Variants in KCNQ1 observed in about 807,000 individuals in gnomAD.
KCNQ1 encodes the protein potassium voltage-gated channel subfamily KQT member 1.
KCNQ1 carries 49 observed loss-of-function variants against 72.4 expected under a neutral mutation model. That is an observed-to-expected ratio of 0.68 (90% CI 0.54 to 0.86). The LOEUF (loss-of-function observed/expected upper bound fraction) is 0.86, where lower values mean the gene tolerates loss of function less well. Among genes scored for constraint, KCNQ1 ranks in the 40% least tolerant of loss-of-function variants. KCNQ1 has a pLI of 0.00. For missense variants in KCNQ1, 790 were observed against 945.1 expected (o/e 0.84, Z 2.15); for synonymous variants, 450 against 412.6 (o/e 1.09, Z -1.10).
chr11:2,594,568 G>T (rs1848710449), intron 10 of KCNQ1, among the ~76,000 whole-genome samples: 1 of 151,968 alleles, frequency 6.6e-6, no homozygotes, highest in Admixed American at 6.6e-5. Flanking sequence ...GTCTTCCTCA[G>T]CTGTCTCATA....
Position 2,848,771 on chromosome 11 carries a change from C to T in KCNQ1, c.*768C>T, listed in dbSNP as rs1203453024. ...CCTCCAACCCCTCGCCCAGTCCCAG[C>T]AGCCAGCCAAACACACAGAAGGGGA... is the stretch of plus-strand genomic sequence containing the variant. On this transcript the variant is annotated 3_prime_UTR_variant, in exon 16 of 16. Coordinates refer to ENST00000155840, the MANE Select transcript of KCNQ1 (RefSeq NM_000218.3). 4.4e-6 allele frequency: 2 copies of T among 454,128 alleles called. No homozygotes were observed. The highest frequency in any genetic ancestry group is 2.3e-5 in the Admixed American group (1 of 42,582). 28.1% of individuals were successfully genotyped at this position (454,128 alleles called of 1,614,324 possible).
In KCNQ1 at chr11:2,827,863, G is replaced by C. The variant is rs1847871484; in HGVS notation, c.1795-19904G>C. 6.6e-6 allele frequency among the ~76,000 whole-genome samples: 1 copy of C among 152,196 alleles called. No homozygotes were observed. The highest frequency in any genetic ancestry group is 1.5e-5 in the Non-Finnish European group (1 of 68,032). ...GAGGAAGGGGCGGGCAGAAGGCAGC[G>C]AGAGCTTTGTTTGGGGTGTGTCGAA... On this transcript the variant is annotated intron_variant, in intron 15 of 15. Coordinates refer to ENST00000155840, the MANE Select transcript of KCNQ1 (RefSeq NM_000218.3). The surrounding 1 kb of genome is among the most constrained non-coding windows in gnomAD (Gnocchi z 6.7).
At chr11:2,487,834 T>TC (rs910295305) in intron 1 of KCNQ1, among the ~76,000 whole-genome samples, 3 of 152,206 alleles carry the variant, frequency 2.0e-5, no homozygotes, top group African/African-American at 7.2e-5. Flanking sequence ...GTCTTTTTTT[T>TC]CCATTCTGGA....
Position 2,447,122 on chromosome 11 carries a change from G to T in KCNQ1, c.386+1638G>T, listed in dbSNP as rs74048606. 6.6e-6 allele frequency among the ~76,000 whole-genome samples: 1 copy of T among 152,196 alleles called. No individual in the cohort carries two copies. Among genetic ancestry groups the T allele is most frequent in the Admixed American group, 6.5e-5 (1 of 15,280 alleles). On this transcript the variant is annotated intron_variant, in intron 1 of 15. Coordinates refer to ENST00000155840, the MANE Select transcript of KCNQ1 (RefSeq NM_000218.3). This position sits in a 1 kb window ranked among gnomAD's most constrained non-coding sequence, Gnocchi z 7.6. ...GCCTCCGGGCTCACTGCAGCCACCC[G>T]TGTGGAGGAAGAGGAGGAAGAGGGC...
rs554053643 is a variant in KCNQ1, at chr11:2,745,003, C to T, written c.1515-23841C>T. 1.6e-4 allele frequency among the ~76,000 whole-genome samples: 24 copies of T among 152,172 alleles called. No individual in the cohort carries two copies. The highest frequency in any genetic ancestry group is 5.5e-4 in the African/African-American group (23 of 41,496). The stretch of plus-strand genomic sequence containing the variant: ...CTCTTTGCACTGATAGTCTGCTGGT[C>T]GGAAGGACAATGGCGGCACCCCAAG... On this transcript the variant is annotated intron_variant, in intron 11 of 15. Transcript: ENST00000155840. The surrounding 1 kb of genome is among the most constrained non-coding windows in gnomAD (Gnocchi z 6.2).
chr11:2,795,960 G>GC (rs1335099426), intron 15 of KCNQ1, among the ~76,000 whole-genome samples: 31 of 152,088 alleles, frequency 2.0e-4, no homozygotes. Context: ...CCGGCCTTTG[G>GC]CCCCCTGCCC....
At chr11:2,520,834 G>A (rs567289531) in intron 1 of KCNQ1, among the ~76,000 whole-genome samples, 15 of 152,152 alleles carry the variant, frequency 9.9e-5, no homozygotes, top group East Asian at 7.7e-4. Flanking sequence ...GGGTTTAAGC[G>A]TCAATATTTA....
chr11:2,584,303 ATG>A (rs1249854281), intron 7 of KCNQ1, among the ~76,000 whole-genome samples: 1 of 152,054 alleles, frequency 6.6e-6, no homozygotes, highest in Non-Finnish European at 1.5e-5. Flanking sequence ...ACATGTAGAC[ATG>A]TGTTAGTATG....
intron 10 of KCNQ1, chr11:2,644,418 T>G (rs1849634257): frequency 2.5e-6 from 1 of 398,422 alleles, no homozygotes; most frequent in East Asian, 3.6e-5. Context: ...AATTCCAGAA[T>G]ATCTGTTTGG....
intron 15 of KCNQ1, among the ~76,000 whole-genome samples, chr11:2,832,913 C>T (rs549739900): frequency 6.6e-6 from 1 of 152,256 alleles, no homozygotes; most frequent in Admixed American, 6.5e-5. Flanking sequence ...GCTCAGGGGG[C>T]TTCACTCCAC....
At chr11:2,733,814 A>ACACACACACACACACTCTCTCT in intron 11 of KCNQ1, among the ~76,000 whole-genome samples, 22 of 86,624 alleles carry the variant, frequency 2.5e-4, no homozygotes, top group Non-Finnish European at 4.3e-4. Context: ...ACACACACAC[A>ACACACACACACACACTCTCTCT]CTCTCTCACT....
chr11:2,647,379 G>A lies in KCNQ1; in HGVS notation c.1394-14582G>A. The A allele has an allele frequency of 2.5e-6, 1 of 398,576 alleles. No individual in the cohort carries two copies. Among genetic ancestry groups the A allele is most frequent in the Non-Finnish European group, 4.4e-6 (1 of 226,052 alleles). The allele number at this position is 398,576 out of a possible 1,614,324, so 24.7% of individuals were successfully genotyped here. ...ATGTGCGATTGGATTCAGATTGCTA[G>A]TTTGTGTGTCTGTGTGTGTGTTTTG... On this transcript the variant is annotated intron_variant, in intron 10 of 15. Transcript: ENST00000155840. This position sits in a 1 kb window ranked among gnomAD's most constrained non-coding sequence, Gnocchi z 4.0.
chr11:2,740,709 T>G (rs188860396), intron 11 of KCNQ1, among the ~76,000 whole-genome samples: 1 of 152,350 alleles, frequency 6.6e-6, no homozygotes, highest in African/African-American at 2.4e-5. Context: ...TCCTGCAGTT[T>G]CCTGCTCCTA....
intron 11 of KCNQ1, among the ~76,000 whole-genome samples, chr11:2,727,851 G>A (rs1237540994): frequency 1.3e-5 from 2 of 152,168 alleles, no homozygotes; most frequent in Admixed American, 6.5e-5. Context: ...CAGGGACGTG[G>A]CCAGGCATTC....
At position 2,509,278 on chromosome 11, in the gene KCNQ1, G is replaced by A. The variant is rs116192693; in HGVS notation, c.387-18650G>A. On this transcript the variant is annotated intron_variant, in intron 1 of 15. Transcript: ENST00000155840. This position sits in a 1 kb window ranked among gnomAD's most constrained non-coding sequence, Gnocchi z 6.3. ...GAGTGGCTTCGGACTTTGGGGTAGGGTCTGGTAGGATCCCAGGGCCCCTTC... is the reference window on the plus strand; with the variant it reads ...GAGTGGCTTCGGACTTTGGGGTAGGATCTGGTAGGATCCCAGGGCCCCTTC... Among the ~76,000 whole-genome samples the A allele has an allele frequency of 4.0e-3, 614 of 152,250 alleles. 8 individuals are homozygous for A. The highest frequency in any genetic ancestry group is 0.014 in the African/African-American group (595 of 41,536).
intron 11 of KCNQ1, among the ~76,000 whole-genome samples, chr11:2,700,785 C>G (rs2133905432): frequency 6.6e-6 from 1 of 152,246 alleles, no homozygotes; most frequent in Admixed American, 6.5e-5. Flanking sequence ...TCCCATCCCC[C>G]ATCCGGGCGT....
rs137913301 is a variant in KCNQ1 at position 2,606,350 on chromosome 11, A to G, written c.1393+17496A>G. ...CCAAATCTCATTAAAATGATTCCCA[A>G]TGTTGGAGGTGGGGTCTGGTGGGGG... On this transcript the variant is annotated intron_variant, in intron 10 of 15. Coordinates refer to ENST00000155840, the MANE Select transcript of KCNQ1 (RefSeq NM_000218.3). Among the ~76,000 whole-genome samples, 15 of 152,216 alleles carry G rather than the reference A, an allele frequency of 9.9e-5. No homozygotes were observed. The East Asian group carries it at 1.7e-3, about 18-fold the overall frequency.
rs1406053712 is a variant in KCNQ1, at chr11:2,664,277, C to T, written c.1514+2196C>T. On this transcript the variant is annotated intron_variant, in intron 11 of 15. Transcript: ENST00000155840. The surrounding 1 kb of genome is among the most constrained non-coding windows in gnomAD (Gnocchi z 5.1). ...AGAGGGAAAAACAAGGAGGTTGCTG[C>T]AAAGGGGCCACCTTGAGGCATTGTG... 1.5e-5 allele frequency: 6 copies of T among 398,948 alleles called. No homozygotes were observed. Among genetic ancestry groups the T allele is most frequent in the Non-Finnish European group, 2.6e-5 (6 of 226,426 alleles). 24.7% of individuals were successfully genotyped at this position (398,948 alleles called of 1,614,324 possible).
rs1281856937 is a variant in KCNQ1, at chr11:2,664,379, C to A, written c.1514+2298C>A. 2.5e-6 allele frequency: 1 copy of A among 398,760 alleles called. No individual in the cohort carries two copies. Among genetic ancestry groups the A allele is most frequent in the South Asian group, 1.3e-4 (1 of 7,866 alleles). The allele number at this position is 398,760 out of a possible 1,614,324, so 24.7% of individuals were successfully genotyped here. A position where few individuals can be genotyped will look rare whatever the true frequency, so the allele number is the denominator to read the frequency against. ...CATCCTCAGAAGTCAGGGTACGGTC[C>A]CTCCAGAGAGGCCTGAAGGGGAGAG... On this transcript the variant is annotated intron_variant, in intron 11 of 15. Coordinates refer to ENST00000155840, the MANE Select transcript of KCNQ1 (RefSeq NM_000218.3). This position sits in a 1 kb window ranked among gnomAD's most constrained non-coding sequence, Gnocchi z 5.1.
Sources: gnomAD v4.1 joint callset for allele counts (sites outside exome capture counted in the v4.1 genomes callset) on GRCh38, gnomAD v4.1.1 for gene constraint, Gnocchi (gnomAD v3.1) non-coding constraint, MANE v1.5 for transcripts, NCBI Gene and HGNC (gene_info 2026-07-23, HGNC 2026-07-21) for gene names.